The following FUBP1 variants were observed in gnomAD, a reference collection of about 807,000 sequenced individuals.
FUBP1 encodes the protein far upstream element binding protein 1.
A neutral mutation model predicts 94.9 loss-of-function variants in FUBP1; 16 were observed. That is an observed-to-expected ratio of 0.17 (90% CI 0.11 to 0.26). The LOEUF (loss-of-function observed/expected upper bound fraction) is 0.26, where lower values mean the gene tolerates loss of function less well. Ranked by LOEUF, FUBP1 falls within the 10% of genes least tolerant of loss-of-function variation. The pLI is 1.00. For synonymous variants in FUBP1, 279 were observed against 254.9 expected, an observed-to-expected ratio of 1.09 and a Z score of -0.90; for missense variants, 583 against 808.6, an observed-to-expected ratio of 0.72 and a Z score of 3.38.
rs1656725276 is a variant in FUBP1 at position 77,967,482 on chromosome 1, T to C, written c.290+145A>G. On this transcript the variant is annotated intron_variant, in intron 4 of 19. Coordinates refer to ENST00000370768, the MANE Select transcript of FUBP1 (RefSeq NM_003902.5). The stretch of plus-strand genomic sequence containing the variant: ...ACTCAAAAGAAAAATCATCACTTTA[T>C]GGTACCTTCCCAAGGGGAGTGATAT... 2.6e-5 allele frequency: 16 copies of C among 610,838 alleles called. No individual in the cohort carries two copies. In the South Asian group the frequency reaches 3.4e-4, roughly 13 times the overall value. 37.8% of individuals were successfully genotyped at this position (610,838 alleles called of 1,614,324 possible).
chr1:77,954,600 C>A (rs1355859921), intron 18 of FUBP1, among the ~76,000 whole-genome samples: 1 of 152,090 alleles, frequency 6.6e-6, no homozygotes, highest in Non-Finnish European at 1.5e-5. Context: ...CCCAAGTAGA[C>A]CGTTCTCTTA....
intron 14 of FUBP1, among the ~76,000 whole-genome samples, chr1:77,961,505 T>A (rs1163146483): frequency 6.6e-6 from 1 of 152,220 alleles, no homozygotes; most frequent in African/African-American, 2.4e-5. Flanking sequence ...GACACACACA[T>A]GAACATTCAT....
chr1:77,978,773 G>C, intron 1 of FUBP1, 112 bp downstream of exon 1: 1 of 1,315,010 alleles, frequency 7.6e-7, no homozygotes, highest in Admixed American at 1.7e-5. Context: ...TCACATTTCA[G>C]CCCGGAAGAA....
intron 1 of FUBP1, among the ~76,000 whole-genome samples, chr1:77,972,532 TGAGTTCAG>T (rs1421012019): frequency 6.7e-6 from 1 of 149,014 alleles, no homozygotes; most frequent in East Asian, 2.0e-4. Context: ...GGGGGGATCA[TGAGTTCAG>T]GAGTTCAAGA....
At chr1:77,962,242 A>G (rs1429766970) in intron 14 of FUBP1, among the ~76,000 whole-genome samples, 3 of 152,150 alleles carry the variant, frequency 2.0e-5, no homozygotes, top group Non-Finnish European at 4.4e-5. Context: ...GCTGGGCCCT[A>G]TCCCAGACAT....
chr1:77,948,221 T>C lies in FUBP1; in HGVS notation c.*545A>G. On this transcript the variant is annotated 3_prime_UTR_variant, in exon 20 of 20. Transcript: ENST00000370768. Reference sequence around the variant, plus strand: ...GGATTACTTGTGCTGAAAGAGCCAATACAATAAATGGAAAAGATCCTCCAA... The same window carrying C: ...GGATTACTTGTGCTGAAAGAGCCAACACAATAAATGGAAAAGATCCTCCAA... 7 of 1,052,402 alleles carry C rather than the reference T, an allele frequency of 6.7e-6. No individual in the cohort carries two copies. Among genetic ancestry groups the C allele is most frequent in the Non-Finnish European group, 8.0e-6 (7 of 870,978 alleles). The allele number at this position is 1,052,402 out of a possible 1,614,324, so 65.2% of individuals were successfully genotyped here.
intron 12 of FUBP1, 71 bp from the exon 13 acceptor site, chr1:77,963,786 G>T: frequency 7.6e-7 from 1 of 1,314,906 alleles, no homozygotes; most frequent in Non-Finnish European, 1.1e-6. Context: ...AAATTATTAA[G>T]TTTATTTTTC....
At chr1:77,962,630 G>A (rs1278855684) in intron 14 of FUBP1, 140 bp downstream of exon 14, 12 of 465,486 alleles carry the variant, frequency 2.6e-5, no homozygotes, top group Non-Finnish European at 4.1e-5. Flanking sequence ...TCTTCACGTT[G>A]TATCTATTAT....
chr1:77,958,956 TA>T (rs1330343132), intron 16 of FUBP1, among the ~76,000 whole-genome samples: 3 of 152,214 alleles, frequency 2.0e-5, no homozygotes, highest in Non-Finnish European at 2.9e-5. Flanking sequence ...CAGTGTTGCT[TA>T]CGCTGGGAGT....
chr1:77,958,754 T>C (rs1306829978), intron 16 of FUBP1, among the ~76,000 whole-genome samples: 1 of 152,174 alleles, frequency 6.6e-6, no homozygotes, highest in Non-Finnish European at 1.5e-5. Context: ...AACCACCCAG[T>C]AGTGCTCAAA....
At chr1:77,963,757 A>G (rs773515818) in intron 12 of FUBP1, 42 bp from the exon 13 acceptor site, 2 of 1,526,390 alleles carry the variant, frequency 1.3e-6, no homozygotes, top group Admixed American at 2.1e-5. Flanking sequence ...CAGCACAGAA[A>G]TACTTTTGTT....
chr1:77,966,557 A>C, intron 7 of FUBP1, 137 bp downstream of exon 7: 1 of 630,096 alleles, frequency 1.6e-6, no homozygotes, highest in Non-Finnish European at 2.9e-6. Flanking sequence ...CATAAACTTC[A>C]AAGGAGTTGG....
chr1:77,979,418 A>G (rs1186522011), upstream of FUBP1: 2 of 179,042 alleles, frequency 1.1e-5, no homozygotes, highest in African/African-American at 4.7e-5. Flanking sequence ...TCAGGGAGGT[A>G]GTGCGGTAGA....
chr1:77,961,666 C>T (rs1010088915), intron 14 of FUBP1, among the ~76,000 whole-genome samples: 1 of 152,200 alleles, frequency 6.6e-6, no homozygotes, highest in Non-Finnish European at 1.5e-5. Context: ...ACTACAGAGT[C>T]CATGCTCTTA....
At chr1:77,954,473 C>T (rs1392407677) in intron 18 of FUBP1, among the ~76,000 whole-genome samples, 1 of 152,134 alleles carries the variant, frequency 6.6e-6, no homozygotes, top group Non-Finnish European at 1.5e-5. Context: ...TGCAAAACAA[C>T]TTTATCATCA....
chr1:77,954,134 A>T (rs1654011087), intron 18 of FUBP1, among the ~76,000 whole-genome samples: 1 of 152,178 alleles, frequency 6.6e-6, no homozygotes, highest in Non-Finnish European at 1.5e-5. Flanking sequence ...CTCATGCTCA[A>T]GTCTTTTAAA....
chr1:77,966,695 G>T lies in FUBP1; in HGVS notation c.472C>A (p.Gln158Lys). The T allele has an allele frequency of 6.7e-7, 1 of 1,491,178 alleles. No homozygotes were observed. Among genetic ancestry groups the T allele is most frequent in the Non-Finnish European group, 9.4e-7 (1 of 1,069,234 alleles). The allele number at this position is 1,491,178 out of a possible 1,614,324, so 92.4% of individuals were successfully genotyped here. A position where few individuals can be genotyped will look rare whatever the true frequency, so the allele number is the denominator to read the frequency against. Reference protein sequence around the residue: ...CMLTGTPESVQSAKRLLDQIV... With the variant: ...CMLTGTPESVKSAKRLLDQIV... The stretch of plus-strand genomic sequence containing the variant: ...ATTTTTAAGATTTTTCAAACTTACT[G>T]GACAGATTCAGGTGTTCCAGTTAAC... Residue 158 changes from glutamine (Q) to lysine (K), a missense_variant and splice_region_variant, in exon 7 of 20, where the codon CAG (glutamine) becomes AAG (lysine). Coordinates refer to ENST00000370768, the MANE Select transcript of FUBP1 (RefSeq NM_003902.5).
intron 16 of FUBP1, 44 bp downstream of exon 16, chr1:77,960,140 T>C: frequency 1.5e-6 from 2 of 1,319,580 alleles, no homozygotes; most frequent in Non-Finnish European, 2.2e-6. Context: ...GTAACAGGAG[T>C]GGAAAATAAT....
chr1:77,960,713 G>T (rs1348189701), intron 14 of FUBP1: 2 of 433,634 alleles, frequency 4.6e-6, no homozygotes, highest in South Asian at 4.7e-5. Context: ...GCAATTAAAT[G>T]CAATTTAAAT....
Sources: allele counts gnomAD v4.1 joint callset (sites outside exome capture counted in the v4.1 genomes callset), GRCh38; gene constraint gnomAD v4.1.1; transcripts MANE v1.5; gene names NCBI Gene and HGNC (gene_info 2026-07-23, HGNC 2026-07-21).